MYG1: variants seen among roughly 807,000 people sequenced by gnomAD.
MYG1 encodes MYG1 exonuclease.
In MYG1, 36 loss-of-function variants were observed where a neutral mutation model predicts 43.5. That is an observed-to-expected ratio of 0.83 (90% CI 0.63 to 1.09). The LOEUF is 1.09. Among genes scored for constraint, MYG1 ranks in the 50% least tolerant of loss-of-function variants. The probability of loss-of-function intolerance (pLI) is 0.00; values close to 1 mark genes in which losing one functional copy is unlikely to be tolerated. For missense variants in MYG1, 529 were observed against 495.1 expected (o/e 1.07, Z -0.65); for synonymous variants, 220 against 202.8 (o/e 1.08, Z -0.72).
In MYG1 at chr12:53,306,690, G is replaced by A. The variant is rs778087239; in HGVS notation, c.776G>A (p.Ser259Asn). 1.2e-6 allele frequency: 2 copies of A among 1,613,240 alleles called. No individual in the cohort carries two copies. Among genetic ancestry groups the A allele is most frequent in the Non-Finnish European group, 1.7e-6 (2 of 1,179,534 alleles). Residue 259 changes from serine to asparagine, a missense_variant, in exon 6 of 7, where the codon AGT becomes AAT. By Grantham distance (46) the Ser-to-Asn change is conservative. Coordinates refer to ENST00000267103, the MANE Select transcript of MYG1 (RefSeq NM_021640.4). The stretch of plus-strand genomic sequence containing the variant: ...CTCTCCCTCTTTCAGGTGGACCCAA[G>A]TGGAGAGATTGTGGAACTGGCGAAA... ...ALAQRFQVDP[S>N]GEIVELAKGA... is the part of the protein sequence containing the mutation.
intron 2 of MYG1, 92 bp from the exon 3 acceptor site, chr12:53,302,942 C>T: frequency 7.6e-7 from 1 of 1,308,682 alleles, no homozygotes; most frequent in Non-Finnish European, 1.0e-6. Context: ...TAAAATGTGG[C>T]AGATAGGAAG....
At chr12:53,303,443 G>A in intron 3 of MYG1, 1 of 432,212 alleles carries the variant, frequency 2.3e-6, no homozygotes, top group Non-Finnish European at 4.1e-6. Context: ...AAACCATAAA[G>A]CAGCATGGCC....
chr12:53,303,216 G>A, intron 3 of MYG1, 23 bp downstream of exon 3: 2 of 1,608,768 alleles, frequency 1.2e-6, no homozygotes, highest in Non-Finnish European at 1.7e-6. Context: ...GGACAGAGAT[G>A]CCCCCCACAT....
chr12:53,300,101 C>T (rs759868845), intron 1 of MYG1, 49 bp from the exon 2 acceptor site: 20 of 1,538,644 alleles, frequency 1.3e-5, no homozygotes, highest in Non-Finnish European at 1.8e-5. Context: ...AGCATTAATC[C>T]CCTACCCGGC....
At chr12:53,304,339 G>A (rs1047901606) in intron 3 of MYG1, among the ~76,000 whole-genome samples, 12 of 151,964 alleles carry the variant, frequency 7.9e-5, no homozygotes, top group Non-Finnish European at 1.6e-4. Flanking sequence ...AGGCTGGAGT[G>A]CAGTGGCACA....
intron 3 of MYG1, 29 bp downstream of exon 3, chr12:53,303,222 C>CA (rs777018466): frequency 1.1e-5 from 17 of 1,606,064 alleles, no homozygotes; most frequent in Non-Finnish European, 1.4e-5. Context: ...AGATGCCCCC[C>CA]ACATGCATTT....
chr12:53,300,260 G>A lies in MYG1; in HGVS notation c.327G>A (p.Gln109=), dbSNP rs113495940. 2,893 of 1,561,752 alleles carry A rather than the reference G, an allele frequency of 1.9e-3. 50 individuals are homozygous for A. The South Asian group carries it at 0.024, about 13-fold the overall frequency. Residue 109 remains glutamine, a splice_region_variant and synonymous_variant, in exon 2 of 7, where the codon CAG becomes CAA. Transcript: ENST00000267103. ...GGAGACACCGATATGACCATCACCA[G>A]AGGTAGGTTCTCAGATACCATTTAT... The part of the protein sequence containing the change: ...DPRRHRYDHH[Q]RSFTETMSSL...
At chr12:53,300,639 A>G (rs777960402) in intron 2 of MYG1, among the ~76,000 whole-genome samples, 1 of 152,220 alleles carries the variant, frequency 6.6e-6, no homozygotes, top group Admixed American at 6.5e-5. Flanking sequence ...GACAGTTCAG[A>G]TGTGTGAAGT....
chr12:53,305,925 G>A lies in MYG1; in HGVS notation c.507G>A (p.Val169=). Residue 169 remains valine (V), a synonymous_variant, in exon 4 of 7, where the codon GTG becomes GTA. Transcript: ENST00000267103. ...TGCCTTAGATGTATGAGAACTTTGTGGAGGAGGTGGATGCTGTGGACAATG... is the reference window on the plus strand; with the variant it reads ...TGCCTTAGATGTATGAGAACTTTGTAGAGGAGGTGGATGCTGTGGACAATG... ...TLYDKMYENF[V]EEVDAVDNGI... is the part of the protein sequence containing the mutation. 2 of 1,606,114 alleles carry A rather than the reference G, an allele frequency of 1.2e-6. No individual in the cohort carries two copies. The highest frequency in any genetic ancestry group is 1.1e-5 in the South Asian group (1 of 89,660).
At chr12:53,306,631 C>A (rs1416973075) in intron 5 of MYG1, 49 bp from the exon 6 acceptor site, 1 of 1,564,782 alleles carries the variant, frequency 6.4e-7, no homozygotes, top group Non-Finnish European at 8.7e-7. Flanking sequence ...AACATGATCA[C>A]CATGCCCAGC....
At chr12:53,306,461 A>C in intron 5 of MYG1, 141 bp downstream of exon 5, 1 of 1,289,230 alleles carries the variant, frequency 7.8e-7, no homozygotes, top group South Asian at 1.4e-5. Context: ...CTCCCACCTC[A>C]GCCTCCTGAG....
At chr12:53,304,159 T>C (rs899933755) in intron 3 of MYG1, among the ~76,000 whole-genome samples, 2 of 152,004 alleles carry the variant, frequency 1.3e-5, no homozygotes, top group Non-Finnish European at 1.5e-5. Flanking sequence ...TTCTCAGTTT[T>C]AGCTTGCCCA....
chr12:53,306,542 C>T lies in MYG1; in HGVS notation c.766-138C>T. 4 of 1,110,274 alleles carry T rather than the reference C, an allele frequency of 3.6e-6. No individual in the cohort carries two copies. In the South Asian group the frequency reaches 6.3e-5, roughly 17 times the overall value. 68.8% of individuals were successfully genotyped at this position (1,110,274 alleles called of 1,614,324 possible). On this transcript the variant is annotated intron_variant, in intron 5 of 6. Transcript: ENST00000267103. Reference sequence around the variant, plus strand: ...TATTTTTTGTAGAGACAGGGTCTTACTTTGTTGCCTAGGCTAGTCTCAAAT... The same window carrying T: ...TATTTTTTGTAGAGACAGGGTCTTATTTTGTTGCCTAGGCTAGTCTCAAAT...
In MYG1 at chr12:53,299,921, T is replaced by G; in HGVS notation, c.184T>G (p.Cys62Gly). 1 of 1,614,214 alleles carries G rather than the reference T, an allele frequency of 6.2e-7. No individual in the cohort carries two copies. Among genetic ancestry groups the G allele is most frequent in the African/African-American group, 1.3e-5 (1 of 75,054 alleles). The change falls in exon 1 of 7, where the codon TGC becomes GGC. Residue 62 changes from cysteine (C) to glycine (G), a missense_variant. Coordinates refer to ENST00000267103, the MANE Select transcript of MYG1 (RefSeq NM_021640.4). ...CTTCCACTGCGACGAGGCACTGGCA[T>G]GCGCACTGCTTCGCCTCCTGCCGGA... is the stretch of plus-strand genomic sequence containing the variant. ...GTFHCDEALA[C>G]ALLRLLPEYR...
Position 53,306,725 on chromosome 12 carries a change from C to T in MYG1, c.811C>T (p.Pro271Ser), listed in dbSNP as rs759977280. 1 of 1,614,174 alleles carries T rather than the reference C, an allele frequency of 6.2e-7. No homozygotes were observed. The highest frequency in any genetic ancestry group is 8.5e-7 in the Non-Finnish European group (1 of 1,180,004). Reference sequence around the variant, plus strand: ...TGTGGAACTGGCGAAAGGTGCATGTCCCTGGAAGGAGCATCTCTACCACCT... The same window carrying T: ...TGTGGAACTGGCGAAAGGTGCATGTTCCTGGAAGGAGCATCTCTACCACCT... Reference protein sequence around the residue: ...EIVELAKGACPWKEHLYHLES... With the variant: ...EIVELAKGACSWKEHLYHLES... Residue 271 changes from proline (P) to serine (S), a missense_variant, in exon 6 of 7, where the codon CCC (proline) becomes TCC (serine). By Grantham distance (74) the Pro-to-Ser change is moderately conservative (BLOSUM62 -1). Transcript: ENST00000267103.
chr12:53,305,912 A>G lies in MYG1; in HGVS notation c.494A>G (p.Tyr165Cys). Residue 165 changes from tyrosine (Y) to cysteine (C), a missense_variant, in exon 4 of 7, where the codon TAT (tyrosine) becomes TGT (cysteine). Transcript: ENST00000267103. ...TTTCCCCTGCTGCTGCCTTAGATGT[A>G]TGAGAACTTTGTGGAGGAGGTGGAT... ...SMVGTLYDKMYENFVEEVDAV... is the reference protein window; with the variant it reads ...SMVGTLYDKMCENFVEEVDAV... 6.2e-7 allele frequency: 1 copy of G among 1,600,122 alleles called. No homozygotes were observed. The highest frequency in any genetic ancestry group is 8.5e-7 in the Non-Finnish European group (1 of 1,174,628).
rs1375682542 is a variant in MYG1, at chr12:53,305,889, TC to T, written c.490-15del. ...AGTAGCAGGTAGCCTCAAGAAGGTT[TC>T]CCCTGCTGCTGCCTTAGATGTATGA... On this transcript the variant is annotated intron_variant, in intron 3 of 6. Transcript: ENST00000267103. 6.4e-7 allele frequency: 1 copy of T among 1,569,398 alleles called. No homozygotes were observed. Among genetic ancestry groups the T allele is most frequent in the Non-Finnish European group, 8.6e-7 (1 of 1,158,356 alleles).
Position 53,302,869 on chromosome 12 carries a change from G to A in MYG1, c.330-165G>A, listed in dbSNP as rs183294049. Among the ~76,000 whole-genome samples, 73 of 152,132 alleles carry A rather than the reference G, an allele frequency of 4.8e-4. No individual in the cohort carries two copies. The East Asian group carries it at 6.4e-3, about 13-fold the overall frequency. ...CAGGGGGTTGTGTTTGTCGGCCTCC[G>A]GCAGATGAATCTGAAAGCAAGGACA... is the stretch of plus-strand genomic sequence containing the variant. On this transcript the variant is annotated intron_variant, in intron 2 of 6. Coordinates refer to ENST00000267103, the MANE Select transcript of MYG1 (RefSeq NM_021640.4).
rs770683112 is a variant in MYG1, at chr12:53,299,838, C to A, written c.101C>A (p.Pro34Gln). The change falls in exon 1 of 7, where the codon CCA becomes CAA. Residue 34 changes from proline (P) to glutamine (Q), a missense_variant. Pro to Gln is a moderately conservative substitution (Grantham distance 76). Transcript: ENST00000267103. ...RMLGPESVPP[P>Q]KRSRSKLMAP... ...CTCGGTCCAGAGTCCGTCCCGCCCCCAAAACGATCCCGCAGCAAACTCATG... is the reference window on the plus strand; with the variant it reads ...CTCGGTCCAGAGTCCGTCCCGCCCCAAAAACGATCCCGCAGCAAACTCATG... 6.2e-7 allele frequency: 1 copy of A among 1,614,222 alleles called. No homozygotes were observed. The highest frequency in any genetic ancestry group is 8.5e-7 in the Non-Finnish European group (1 of 1,180,028).
Sources: gnomAD v4.1 joint callset for allele counts (sites outside exome capture counted in the v4.1 genomes callset) on GRCh38, gnomAD v4.1.1 for gene constraint, MANE v1.5 for transcripts, NCBI Gene and HGNC (gene_info 2026-07-23, HGNC 2026-07-21) for gene names.